The following FBXO39 variants were observed in gnomAD, a reference collection of about 807,000 sequenced individuals.
FBXO39 encodes F-box only protein 39.
FBXO39 carries 22 observed loss-of-function variants against 36.6 expected under a neutral mutation model. The observed-to-expected ratio is 0.60, with a 90% confidence interval of 0.43 to 0.86. The LOEUF (loss-of-function observed/expected upper bound fraction) is 0.86. Among genes scored for constraint, FBXO39 ranks in the 40% least tolerant of loss-of-function variants. The pLI is 0.00. For missense variants in FBXO39, 536 were observed against 543.9 expected (o/e 0.99, Z 0.14); for synonymous variants, 206 against 205.8 (o/e 1.00, Z -0.01).
At chr17:6,783,926 C>T (rs1022888140) in intron 2 of FBXO39, among the ~76,000 whole-genome samples, 1 of 152,074 alleles carries the variant, frequency 6.6e-6, no homozygotes, top group African/African-American at 2.4e-5. Context: ...GCTGATATTA[C>T]CCTGATACCA....
In FBXO39 at chr17:6,780,188, A is replaced by T; in HGVS notation, c.320A>T (p.Lys107Met). ...MNPYNAVLTK[K>M]FQVTMRGLLS... is the part of the protein sequence containing the mutation. ...CCTTACAATGCTGTCTTGACCAAGA[A>T]GTTCCAGGTCACCATGCGGGGCCTC... The change falls in exon 2 of 4, where the codon AAG becomes ATG. Residue 107 changes from lysine (K) to methionine (M), a missense_variant. By Grantham distance (95) the Lys-to-Met change is moderately conservative. Coordinates refer to ENST00000321535, the MANE Select transcript of FBXO39 (RefSeq NM_153230.3). 1 of 1,614,210 alleles carries T rather than the reference A, an allele frequency of 6.2e-7. No homozygotes were observed. Among genetic ancestry groups the T allele is most frequent in the Non-Finnish European group, 8.5e-7 (1 of 1,180,042 alleles).
Position 6,787,317 on chromosome 17 carries a change from C to T in FBXO39, c.1218C>T (p.Asn406=). ...TGGCACAGGCGAGAATTTATACAAA[C>T]AGATATGAGACGAATGAAGAGGACA... ...LRVFKARIYT[N]RYETNEEDKT... is the part of the protein sequence containing the mutation. Residue 406 remains asparagine (N), a synonymous_variant, in exon 4 of 4, where the codon AAC becomes AAT. Transcript: ENST00000321535. 6.2e-7 allele frequency: 1 copy of T among 1,613,666 alleles called. No homozygotes were observed. The highest frequency in any genetic ancestry group is 8.5e-7 in the Non-Finnish European group (1 of 1,179,872).
Position 6,780,665 on chromosome 17 carries a change from A to G in FBXO39, c.797A>G (p.Gln266Arg). The G allele has an allele frequency of 6.2e-7, 1 of 1,614,140 alleles. No individual in the cohort carries two copies. Among genetic ancestry groups the G allele is most frequent in the Non-Finnish European group, 8.5e-7 (1 of 1,180,030 alleles). ...IKCHVHDPHG[Q>R]VIWGMSWAKL... ...TGCCACGTTCATGACCCCCACGGAC[A>G]GGTCATCTGGGGTATGTCCTGGGCC... The change falls in exon 2 of 4, where the codon CAG becomes CGG. Residue 266 changes from glutamine (Q) to arginine (R), a missense_variant. Gln to Arg is a conservative substitution (Grantham distance 43). Coordinates refer to ENST00000321535, the MANE Select transcript of FBXO39 (RefSeq NM_153230.3).
chr17:6,784,929 ATGTGTGTGTGTGTG>A lies in FBXO39; in HGVS notation c.1024-1839_1024-1826del, dbSNP rs3071470. Among the ~76,000 whole-genome samples the A allele has an allele frequency of 4.4e-5, 6 of 136,308 alleles. No individual in the cohort carries two copies. In the South Asian group the frequency reaches 8.9e-4, roughly 20 times the overall value. 89.4% of individuals were successfully genotyped at this position (136,308 alleles called of 152,430 possible). A position where few individuals can be genotyped will look rare whatever the true frequency, so the allele number is the denominator to read the frequency against. On this transcript the variant is annotated intron_variant, in intron 2 of 3. Coordinates refer to ENST00000321535, the MANE Select transcript of FBXO39 (RefSeq NM_153230.3). ...AAGAATCTTAAATTTATATATATAT[ATGTGTGTGTGTGTG>A]TGTGTGTGTGTATATATATATATGG...
At chr17:6,786,756 T>A (rs771116255) in intron 2 of FBXO39, 24 bp from the exon 3 acceptor site, 7 of 1,580,028 alleles carry the variant, frequency 4.4e-6, no homozygotes, top group Non-Finnish European at 6.0e-6. Flanking sequence ...CCCACACACA[T>A]CTTCCCTTTT....
chr17:6,785,848 A>G (rs902088658), intron 2 of FBXO39, among the ~76,000 whole-genome samples: 1 of 152,232 alleles, frequency 6.6e-6, no homozygotes, highest in African/African-American at 2.4e-5. Flanking sequence ...AAAGACAGGC[A>G]ATAGCAAATG....
In FBXO39 at chr17:6,776,238, T is replaced by C. The variant is rs1976406545; in HGVS notation, c.-115T>C. The C allele has an allele frequency of 6.6e-6, 1 of 152,232 alleles. No individual in the cohort carries two copies. The highest frequency in any genetic ancestry group is 1.9e-4 in the East Asian group (1 of 5,176). The allele number at this position is 152,232 out of a possible 1,614,324, so 9.4% of individuals were successfully genotyped here. Reference sequence around the variant, plus strand: ...GCGCAGACCCGGGGCGCCCATGGAGTTGGCGTCGGAGCAACAGCTGCGCGG... The same window carrying C: ...GCGCAGACCCGGGGCGCCCATGGAGCTGGCGTCGGAGCAACAGCTGCGCGG... On this transcript the variant is annotated 5_prime_UTR_variant, in exon 1 of 4. Coordinates refer to ENST00000321535, the MANE Select transcript of FBXO39 (RefSeq NM_153230.3).
At chr17:6,784,292 C>A (rs1304527460) in intron 2 of FBXO39, among the ~76,000 whole-genome samples, 9 of 152,048 alleles carry the variant, frequency 5.9e-5, no homozygotes, top group Non-Finnish European at 1.2e-4. Flanking sequence ...ATATGACAGA[C>A]CCACAACTAG....
chr17:6,776,656 T>G (rs1013300378), intron 1 of FBXO39, among the ~76,000 whole-genome samples: 3 of 152,188 alleles, frequency 2.0e-5, no homozygotes, highest in Non-Finnish European at 4.4e-5. Flanking sequence ...GGCGGGACGT[T>G]GCAGAAGTAC....
At position 6,786,932 on chromosome 17, in the gene FBXO39, G is replaced by A; in HGVS notation, c.1176G>A (p.Arg392=). Residue 392 remains arginine, a synonymous_variant, in exon 3 of 4, where the codon CGG becomes CGA. Transcript: ENST00000321535. ...VERILKSQKE[R]QCALRVFKAR... ...GGATCCTGAAGAGTCAGAAAGAACG[G>A]CAGTGTGCCCTGCGTGTATTCAAGG... The A allele has an allele frequency of 1.2e-6, 2 of 1,613,778 alleles. No individual in the cohort carries two copies. Among genetic ancestry groups the A allele is most frequent in the Non-Finnish European group, 1.7e-6 (2 of 1,179,798 alleles).
chr17:6,777,577 C>T (rs1377459783), intron 1 of FBXO39, among the ~76,000 whole-genome samples: 1 of 152,192 alleles, frequency 6.6e-6, no homozygotes, highest in Non-Finnish European at 1.5e-5. Context: ...ATCTCTTCTG[C>T]AGCACCTTTT....
intron 1 of FBXO39, among the ~76,000 whole-genome samples, chr17:6,778,978 A>G (rs541384116): frequency 6.6e-6 from 1 of 152,292 alleles, no homozygotes; most frequent in African/African-American, 2.4e-5. Context: ...TCCACACCTC[A>G]AAACTCACCA....
chr17:6,787,459 G>A lies in FBXO39; in HGVS notation c.*31G>A. The stretch of plus-strand genomic sequence containing the variant: ...ACTCTACAGATGAAGAAAGCTGGGA[G>A]CACTTTGAACTTGAAAATCATTTCT... On this transcript the variant is annotated 3_prime_UTR_variant, in exon 4 of 4. Coordinates refer to ENST00000321535, the MANE Select transcript of FBXO39 (RefSeq NM_153230.3). 6.2e-7 allele frequency: 1 copy of A among 1,611,400 alleles called. No individual in the cohort carries two copies. The highest frequency in any genetic ancestry group is 2.2e-5 in the East Asian group (1 of 44,824).
chr17:6,780,758 G>GA lies in FBXO39; in HGVS notation c.890_891insA (p.Ala299GlyfsTer22). 1 of 1,614,048 alleles carries GA rather than the reference G, an allele frequency of 6.2e-7. No homozygotes were observed. Among genetic ancestry groups the GA allele is most frequent in the Non-Finnish European group, 8.5e-7 (1 of 1,180,020 alleles). On this transcript the variant is annotated frameshift_variant, in exon 2 of 4. Coordinates refer to ENST00000321535, the MANE Select transcript of FBXO39 (RefSeq NM_153230.3). LOFTEE classifies it high-confidence loss of function. ...TTTGAACGGATCATGAAGTACGAAC[G>GA]CTTGGCCCGAATCCTCTTGCAGGAG... is the stretch of plus-strand genomic sequence containing the variant.
chr17:6,784,953 G>GTGTGTGTGTATATATATATATA (rs1302291142), intron 2 of FBXO39, among the ~76,000 whole-genome samples: 15 of 113,880 alleles, frequency 1.3e-4, no homozygotes, highest in African/African-American at 4.7e-4. Context: ...GTGTGTGTGT[G>GTGTGTGTGTATATATATATATA]TATATATATA....
Position 6,780,112 on chromosome 17 carries a change from G to A in FBXO39, c.244G>A (p.Val82Ile), listed in dbSNP as rs1555552099. Residue 82 changes from valine (V) to isoleucine (I), a missense_variant, in exon 2 of 4, where the codon GTT becomes ATT. By Grantham distance (29) the Val-to-Ile change is conservative (BLOSUM62 3). Coordinates refer to ENST00000321535, the MANE Select transcript of FBXO39 (RefSeq NM_153230.3). Reference protein sequence around the residue: ...ASEVESAVWYVKKFGRYLEHL... With the variant: ...ASEVESAVWYIKKFGRYLEHL... The stretch of plus-strand genomic sequence containing the variant: ...TGAAGTTGAGTCAGCTGTTTGGTAT[G>A]TTAAGAAGTTTGGTCGTTATCTGGA... 4.3e-6 allele frequency: 7 copies of A among 1,614,202 alleles called. No homozygotes were observed. In the South Asian group the frequency reaches 4.4e-5, roughly 10 times the overall value.
chr17:6,786,786 A>C lies in FBXO39; in HGVS notation c.1030A>C (p.Thr344Pro), dbSNP rs141897477. 3 of 1,602,344 alleles carry C rather than the reference A, an allele frequency of 1.9e-6. No individual in the cohort carries two copies. Among genetic ancestry groups the C allele is most frequent in the Non-Finnish European group, 2.6e-6 (3 of 1,174,522 alleles). Residue 344 changes from threonine (T) to proline (P), a missense_variant, in exon 3 of 4, where the codon ACT (threonine) becomes CCT (proline). Transcript: ENST00000321535. ...PTFRHTLQKL[T>P]CEFNNNHESL... ...CCTTTTGGTGCTCTTCCAGAAATTA[A>C]CTTGTGAATTCAACAACAACCATGA...
At position 6,787,526 on chromosome 17, in the gene FBXO39, T is replaced by C; in HGVS notation, c.*98T>C. 1 of 1,426,494 alleles carries C rather than the reference T, an allele frequency of 7.0e-7. No homozygotes were observed. The highest frequency in any genetic ancestry group is 9.5e-7 in the Non-Finnish European group (1 of 1,056,922). 88.4% of individuals were successfully genotyped at this position (1,426,494 alleles called of 1,614,324 possible). On this transcript the variant is annotated 3_prime_UTR_variant, in exon 4 of 4. Transcript: ENST00000321535. ...GGCACTGCCGGCCCTTTTGCTCCTC[T>C]CTCTCCCCTCCACTTTTTTTTTTTG... is the stretch of plus-strand genomic sequence containing the variant.
Position 6,780,016 on chromosome 17 carries a change from A to T in FBXO39, c.148A>T (p.Met50Leu). Residue 50 changes from methionine (M) to leucine (L), a missense_variant, in exon 2 of 4, where the codon ATG (methionine) becomes TTG (leucine). By Grantham distance (15) the Met-to-Leu change is conservative (BLOSUM62 2). Coordinates refer to ENST00000321535, the MANE Select transcript of FBXO39 (RefSeq NM_153230.3). ...ALVCRKWNQM[M>L]YSAELWRYRT... ...TGTCTGCAGAAAGTGGAACCAGATG[A>T]TGTATTCTGCTGAGCTCTGGCGGTA... 6.2e-7 allele frequency: 1 copy of T among 1,614,190 alleles called. No homozygotes were observed. Among genetic ancestry groups the T allele is most frequent in the Non-Finnish European group, 8.5e-7 (1 of 1,180,038 alleles).
Sources: allele counts gnomAD v4.1 joint callset (sites outside exome capture counted in the v4.1 genomes callset), GRCh38; gene constraint gnomAD v4.1.1; transcripts MANE v1.5; gene names NCBI Gene and HGNC (gene_info 2026-07-23, HGNC 2026-07-21).